The following ITSN1 variants were observed in gnomAD, a reference collection of about 807,000 sequenced individuals.
ITSN1 encodes the protein intersectin-1.
ITSN1 carries 58 observed loss-of-function variants against 239.8 expected under a neutral mutation model. The observed-to-expected ratio is 0.24, with a 90% CI of 0.20 to 0.30. ITSN1 has a LOEUF of 0.30. Among genes scored for constraint, ITSN1 ranks in the 10% least tolerant of loss-of-function variants. The pLI, the probability that ITSN1 is intolerant of heterozygous loss-of-function variation, is 1.00. For missense variants in ITSN1, 1,558 were observed against 2,103.3 expected, an observed-to-expected ratio of 0.74 and a Z score of 5.07; for synonymous variants, 780 against 770.8, an observed-to-expected ratio of 1.01 and a Z score of -0.20.
chr21:33,854,922 C>T (rs1447921821), intron 29 of ITSN1, among the ~76,000 whole-genome samples: 1 of 152,148 alleles, frequency 6.6e-6, no homozygotes, highest in Non-Finnish European at 1.5e-5. Context: ...TCCTGCTGGT[C>T]TTGGGTTGTT....
At chr21:33,842,245 CAG>C (rs1324037347) in intron 29 of ITSN1, among the ~76,000 whole-genome samples, 1 of 152,200 alleles carries the variant, frequency 6.6e-6, no homozygotes, top group Admixed American at 6.5e-5. Flanking sequence ...ACCAGGCTTC[CAG>C]AGTGTCTCCT....
At chr21:33,812,126 T>C (rs1396203143) in intron 21 of ITSN1, among the ~76,000 whole-genome samples, 3 of 152,144 alleles carry the variant, frequency 2.0e-5, no homozygotes, top group Non-Finnish European at 2.9e-5. Flanking sequence ...CTAAAGAAGG[T>C]CCCCTCATCT....
At chr21:33,858,152 G>T (rs1169798357) in intron 30 of ITSN1, among the ~76,000 whole-genome samples, 1 of 152,178 alleles carries the variant, frequency 6.6e-6, no homozygotes, top group Non-Finnish European at 1.5e-5. Context: ...GCCTGCAAGT[G>T]CTGGGTCTGT....
intron 22 of ITSN1, among the ~76,000 whole-genome samples, chr21:33,816,228 C>T (rs1022537159): frequency 6.6e-6 from 1 of 151,898 alleles, no homozygotes; most frequent in Non-Finnish European, 1.5e-5. Context: ...CTTAATTTAA[C>T]CTGAGTCCGT....
chr21:33,856,606 C>T, intron 29 of ITSN1, 130 bp from the exon 30 acceptor site: 1 of 1,264,542 alleles, frequency 7.9e-7, no homozygotes, highest in South Asian at 1.4e-5. Context: ...GGGGAGGACA[C>T]ATTTCAGCCC....
At chr21:33,868,400 A>C (rs1982075794) in intron 33 of ITSN1, among the ~76,000 whole-genome samples, 1 of 152,240 alleles carries the variant, frequency 6.6e-6, no homozygotes, top group Non-Finnish European at 1.5e-5. Context: ...CGGGCTGCAC[A>C]GGAACCCACG....
chr21:33,693,469 G>C (rs1311075579), intron 1 of ITSN1, among the ~76,000 whole-genome samples: 3 of 151,932 alleles, frequency 2.0e-5, no homozygotes, highest in South Asian at 2.1e-4. Context: ...CAATTCTCCT[G>C]CCTCAGCCTT....
chr21:33,818,949 G>GA (rs1452493110), intron 23 of ITSN1, among the ~76,000 whole-genome samples: 1 of 152,198 alleles, frequency 6.6e-6, no homozygotes, highest in Non-Finnish European at 1.5e-5. Flanking sequence ...TTAAAAGGAT[G>GA]AAAATAGCAA....
chr21:33,830,544 A>G (rs572845399), intron 27 of ITSN1, among the ~76,000 whole-genome samples: 1 of 151,892 alleles, frequency 6.6e-6, no homozygotes, highest in East Asian at 2.0e-4. Flanking sequence ...GGAGGGAGTG[A>G]CTGGTCTTCA....
intron 17 of ITSN1, 63 bp downstream of exon 17, chr21:33,794,531 T>A: frequency 6.4e-7 from 1 of 1,551,480 alleles, no homozygotes; most frequent in Non-Finnish European, 8.7e-7. Context: ...TATTCTTTGC[T>A]TGGCTTCTCC....
At chr21:33,683,342 T>C (rs1293082770) in intron 1 of ITSN1, among the ~76,000 whole-genome samples, 1 of 152,208 alleles carries the variant, frequency 6.6e-6, no homozygotes, top group African/African-American at 2.4e-5. Context: ...ATAAGCTTAA[T>C]GTGAGTCATT....
At chr21:33,754,615 A>G (rs917135179) in intron 7 of ITSN1, among the ~76,000 whole-genome samples, 18 of 152,318 alleles carry the variant, frequency 1.2e-4, no homozygotes, top group African/African-American at 3.1e-4. Context: ...GACGCAGCCT[A>G]ACTACTGGCA....
chr21:33,737,785 G>A (rs1054311917), intron 5 of ITSN1, among the ~76,000 whole-genome samples: 7 of 151,826 alleles, frequency 4.6e-5, no homozygotes, highest in Non-Finnish European at 8.8e-5. Context: ...TGTTGGTCAC[G>A]CTGGTCTTGA....
At chr21:33,647,942 T>G (rs2088130571) in intron 1 of ITSN1, among the ~76,000 whole-genome samples, 1 of 152,262 alleles carries the variant, frequency 6.6e-6, no homozygotes, top group Admixed American at 6.5e-5. Flanking sequence ...TAGGATAAAT[T>G]TCTACAAATG....
intron 33 of ITSN1, among the ~76,000 whole-genome samples, chr21:33,868,461 C>T (rs1182245410): frequency 5.3e-5 from 8 of 152,340 alleles, no homozygotes; most frequent in Admixed American, 2.6e-4. Context: ...AGCCCTGCCC[C>T]GCGGGAAGGC....
At chr21:33,876,945 G>A (rs148096445) in intron 34 of ITSN1, among the ~76,000 whole-genome samples, 21 of 151,632 alleles carry the variant, frequency 1.4e-4, no homozygotes, top group African/African-American at 4.8e-4. Flanking sequence ...AGTTATGGGT[G>A]TTATTGTTTT....
At chr21:33,733,936 T>C (rs552171557) in intron 4 of ITSN1, among the ~76,000 whole-genome samples, 6 of 152,214 alleles carry the variant, frequency 3.9e-5, no homozygotes, top group Admixed American at 2.0e-4. Flanking sequence ...GCCATACTTT[T>C]TATTGTGTTA....
In ITSN1 at chr21:33,883,641, A is replaced by G. The variant is rs1423613630; in HGVS notation, c.4646A>G (p.Tyr1549Cys). 6.2e-7 allele frequency: 1 copy of G among 1,613,670 alleles called. No homozygotes were observed. Among genetic ancestry groups the G allele is most frequent in the Non-Finnish European group, 8.5e-7 (1 of 1,179,684 alleles). ...IFHISHIDRV[Y>C]TLRAESINER... ...CACATCTCCCACATTGACCGCGTCT[A>G]TACTCTCCGAGCAGAAAGCATAAAT... Residue 1549 changes from tyrosine (Y) to cysteine (C), a missense_variant, in exon 36 of 40, where the codon TAT becomes TGT. Transcript: ENST00000381318.
chr21:33,837,627 A>T, intron 29 of ITSN1: 1 of 985,948 alleles, frequency 1.0e-6, no homozygotes, highest in Non-Finnish European at 1.2e-6. Flanking sequence ...GTTTGTGTGT[A>T]TCAGCTGTAC....
Sources: gnomAD v4.1 joint callset for allele counts (sites outside exome capture counted in the v4.1 genomes callset) on GRCh38, gnomAD v4.1.1 for gene constraint, MANE v1.5 for transcripts, NCBI Gene and HGNC (gene_info 2026-07-23, HGNC 2026-07-21) for gene names.